DMD: variants seen among roughly 807,000 people sequenced by gnomAD.
DMD encodes mutant dystrophin.
In DMD, 63 loss-of-function variants were observed where a neutral mutation model predicts 330.1. The observed-to-expected ratio is 0.19, with a 90% CI of 0.16 to 0.24. DMD has a LOEUF of 0.24. Among genes scored for constraint, DMD ranks in the 10% least tolerant of loss-of-function variants. The pLI is 1.00. For missense variants in DMD, 3,344 were observed against 2,684.1 expected (o/e 1.25, Z -5.43); for synonymous variants, 1,223 against 959.8 (o/e 1.27, Z -5.07).
chrX:32,676,045 A>C (rs1251235995), intron 9 of DMD, among the ~76,000 whole-genome samples: 1 of 111,511 alleles, frequency 9.0e-6, no homozygotes, highest in Non-Finnish European at 1.9e-5. Context: ...TTCTAACCAT[A>C]CTACTTTGGT....
intron 2 of DMD, among the ~76,000 whole-genome samples, chrX:32,922,100 A>G (rs923622007): frequency 1.8e-5 from 2 of 110,993 alleles, no homozygotes; most frequent in African/African-American, 6.6e-5. Context: ...GAGAGGGTGC[A>G]GAGAGCTAAA....
At chrX:31,355,080 CA>C (rs1313264059) in intron 60 of DMD, among the ~76,000 whole-genome samples, 6 of 110,938 alleles carry the variant, frequency 5.4e-5, no homozygotes, top group Non-Finnish European at 9.5e-5. Context: ...TTAAATAAGC[CA>C]AAAGAATAAA....
chrX:31,982,670 A>AT (rs1333242835), intron 44 of DMD, among the ~76,000 whole-genome samples: 8 of 110,596 alleles, frequency 7.2e-5, no homozygotes, highest in African/African-American at 2.3e-4. Context: ...AAAACAAGGT[A>AT]TTTTTTTCTG....
chrX:32,268,858 T>G (rs907966250), intron 43 of DMD, among the ~76,000 whole-genome samples: 1 of 110,502 alleles, frequency 9.0e-6, no homozygotes, highest in Non-Finnish European at 1.9e-5. Flanking sequence ...CTAATAGTAG[T>G]GTTACAGTAG....
intron 13 of DMD, among the ~76,000 whole-genome samples, chrX:32,589,719 A>G (rs1212845341): frequency 2.7e-5 from 3 of 111,471 alleles, no homozygotes; most frequent in African/African-American, 9.8e-5. Flanking sequence ...GAGTTTTCTG[A>G]CTTAAAACAA....
chrX:32,196,184 C>A (rs148140920), intron 44 of DMD, among the ~76,000 whole-genome samples: 15,879 of 111,858 alleles, frequency 0.14, 1,010 homozygotes, highest in African/African-American at 0.23. Flanking sequence ...TAAATTATAG[C>A]CAAGTATGGC....
chrX:32,377,043 TA>T (rs900961752), intron 34 of DMD, among the ~76,000 whole-genome samples: 4 of 111,792 alleles, frequency 3.6e-5, no homozygotes, highest in African/African-American at 1.3e-4. Flanking sequence ...GTAAAATCTG[TA>T]TTGTTTTTAA....
At chrX:31,343,710 C>T (rs987033882) in intron 61 of DMD, among the ~76,000 whole-genome samples, 3 of 108,533 alleles carry the variant, frequency 2.8e-5, no homozygotes, top group African/African-American at 1.0e-4. Flanking sequence ...TTTACGCTGG[C>T]GGGTGCAATT....
chrX:31,459,520 T>C (rs371746868), intron 59 of DMD, among the ~76,000 whole-genome samples: 1 of 112,301 alleles, frequency 8.9e-6, no homozygotes, highest in African/African-American at 3.2e-5. Context: ...AATGTGAATA[T>C]TTGATAGGGA....
intron 60 of DMD, among the ~76,000 whole-genome samples, chrX:31,363,500 C>T (rs2059073395): frequency 9.3e-6 from 1 of 107,539 alleles, no homozygotes; most frequent in Non-Finnish European, 1.9e-5. Context: ...CCTGCCTCGG[C>T]CTCCCCAGTA....
intron 60 of DMD, among the ~76,000 whole-genome samples, chrX:31,440,596 T>A (rs1462475803): frequency 1.8e-5 from 2 of 112,179 alleles, no homozygotes; most frequent in African/African-American, 6.5e-5. Context: ...TTTCTAAGCC[T>A]CGGTTTCCTT....
rs759933910 is a variant in DMD, at chrX:31,553,865, TG to T, written c.8218-46413del. Among the ~76,000 whole-genome samples the T allele has an allele frequency of 6.3e-4, 71 of 112,825 alleles. No individual in the cohort carries two copies. The South Asian group carries it at 0.025, about 40-fold the overall frequency. Reference sequence around the variant, plus strand: ...GTTAATAGTTGTAAAGAAAAGACAATGTTTTTTTACTGCTGAGAAATTTGAC... The same window carrying T: ...GTTAATAGTTGTAAAGAAAAGACAATTTTTTTTACTGCTGAGAAATTTGAC... On this transcript the variant is annotated intron_variant, in intron 55 of 78. Coordinates refer to ENST00000357033, the MANE Select transcript of DMD (RefSeq NM_004006.3).
intron 2 of DMD, among the ~76,000 whole-genome samples, chrX:32,949,691 AT>A (rs1391302533): frequency 2.7e-5 from 3 of 111,448 alleles, no homozygotes; most frequent in African/African-American, 9.8e-5. Flanking sequence ...GGGAAACACA[AT>A]GGTAAAGAAT....
intron 55 of DMD, among the ~76,000 whole-genome samples, chrX:31,623,464 CT>C (rs1198145035): frequency 9.0e-6 from 1 of 110,829 alleles, no homozygotes; most frequent in Non-Finnish European, 1.9e-5. Flanking sequence ...GGGGTTTCAC[CT>C]TGTGGCCAGG....
At chrX:31,803,804 A>G (rs2092187433) in intron 50 of DMD, among the ~76,000 whole-genome samples, 1 of 109,894 alleles carries the variant, frequency 9.1e-6, no homozygotes. Flanking sequence ...GGTTCAAGCG[A>G]TTCTCCTGCC....
At chrX:31,586,035 C>T (rs1311237582) in intron 55 of DMD, among the ~76,000 whole-genome samples, 1 of 111,231 alleles carries the variant, frequency 9.0e-6, no homozygotes, top group Non-Finnish European at 1.9e-5. Context: ...TCAGGTCCTA[C>T]CCTATCTGTA....
At chrX:32,392,628 C>G (rs1445635193) in intron 30 of DMD, among the ~76,000 whole-genome samples, 2 of 112,021 alleles carry the variant, frequency 1.8e-5, no homozygotes, top group South Asian at 3.8e-4. Context: ...TTACCACTCC[C>G]TCAACAAGAG....
At chrX:31,695,080 A>G (rs760355046) in intron 52 of DMD, among the ~76,000 whole-genome samples, 8 of 111,436 alleles carry the variant, frequency 7.2e-5, no homozygotes, top group Admixed American at 3.8e-4. Flanking sequence ...ATGCGGTACT[A>G]TTTAGCAATA....
At chrX:32,047,441 T>C (rs2096071937) in intron 44 of DMD, among the ~76,000 whole-genome samples, 1 of 112,159 alleles carries the variant, frequency 8.9e-6, no homozygotes, top group African/African-American at 3.2e-5. Flanking sequence ...AGTGTTTGAC[T>C]GAACTTGAAA....
Sources: gnomAD v4.1 joint callset for allele counts (sites outside exome capture counted in the v4.1 genomes callset) on GRCh38, gnomAD v4.1.1 for gene constraint, MANE v1.5 for transcripts, NCBI Gene and HGNC (gene_info 2026-07-23, HGNC 2026-07-21) for gene names.